Variants in KDM4B observed in about 807,000 individuals in gnomAD.
KDM4B encodes the protein lysine demethylase 4B.
A neutral mutation model predicts 125.2 loss-of-function variants in KDM4B; 32 were observed. The ratio of observed to expected loss-of-function variants is 0.26; its 90% CI spans 0.19 to 0.34. The LOEUF is 0.34. KDM4B is among the 10% of genes least tolerant of loss of function. The pLI is 1.00. For missense variants in KDM4B, 1,190 were observed against 1,577.7 expected, an observed-to-expected ratio of 0.75 and a Z score of 4.16; for synonymous variants, 721 against 677.9, an observed-to-expected ratio of 1.06 and a Z score of -0.99.
intron 6 of KDM4B, among the ~76,000 whole-genome samples, chr19:5,056,843 G>A (rs960655862): frequency 1.1e-4 from 17 of 150,690 alleles, no homozygotes; most frequent in African/African-American, 4.1e-4. Context: ...TAGAGCCCTG[G>A]GGTGGGGACC....
chr19:5,041,664 C>G (rs1324166256), intron 5 of KDM4B, among the ~76,000 whole-genome samples: 1 of 152,244 alleles, frequency 6.6e-6, no homozygotes, highest in African/African-American at 2.4e-5. Context: ...CCCGGAGACA[C>G]TGGGGTGAGG....
chr19:5,057,074 G>GCA (rs992165476), intron 6 of KDM4B, among the ~76,000 whole-genome samples: 5 of 151,636 alleles, frequency 3.3e-5, no homozygotes, highest in East Asian at 1.9e-4. Context: ...GTGCGCGCGC[G>GCA]CGCGTATGTT....
At chr19:5,002,587 C>T (rs1401081058) in intron 1 of KDM4B, among the ~76,000 whole-genome samples, 1 of 151,754 alleles carries the variant, frequency 6.6e-6, no homozygotes, top group Non-Finnish European at 1.5e-5. Flanking sequence ...CTCCTGGGCT[C>T]AAGCAGTCTT....
At chr19:5,056,249 A>G (rs371306452) in intron 6 of KDM4B, among the ~76,000 whole-genome samples, 4 of 152,182 alleles carry the variant, frequency 2.6e-5, no homozygotes, top group African/African-American at 9.7e-5. Flanking sequence ...CAAGGGTCAA[A>G]GGCGCAGCCA....
intron 21 of KDM4B, among the ~76,000 whole-genome samples, chr19:5,149,105 C>G (rs2039901761): frequency 6.6e-6 from 1 of 152,258 alleles, no homozygotes; most frequent in Non-Finnish European, 1.5e-5. Flanking sequence ...TCCATCCCCA[C>G]CCATCCCTGG....
Position 5,091,884 on chromosome 19 carries a change from G to A in KDM4B, c.918+9380G>A, listed in dbSNP as rs984279863. On this transcript the variant is annotated intron_variant, in intron 9 of 22. Transcript: ENST00000159111. The stretch of plus-strand genomic sequence containing the variant: ...CCTCAGTGAGCCTCTGATTTATGGC[G>A]TTGTGGGGCTGGACGCATCGTGTGT... 5.3e-5 allele frequency among the ~76,000 whole-genome samples: 8 copies of A among 152,182 alleles called. No individual in the cohort carries two copies. In the South Asian group the frequency reaches 8.3e-4, roughly 16 times the overall value.
intron 2 of KDM4B, among the ~76,000 whole-genome samples, chr19:5,020,500 G>A (rs1042615489): frequency 1.3e-5 from 2 of 152,166 alleles, no homozygotes; most frequent in Admixed American, 6.5e-5. Flanking sequence ...ATTCCCACCA[G>A]CCGTGCATGA....
intron 2 of KDM4B, among the ~76,000 whole-genome samples, chr19:5,023,188 G>T (rs563768072): frequency 1.6e-4 from 24 of 152,328 alleles, no homozygotes; most frequent in African/African-American, 5.5e-4. Context: ...TGCGGAGGTG[G>T]AGGAAGGGCC....
intron 1 of KDM4B, among the ~76,000 whole-genome samples, chr19:4,976,726 T>C (rs2034459334): frequency 6.6e-6 from 1 of 152,246 alleles, no homozygotes; most frequent in Non-Finnish European, 1.5e-5. Flanking sequence ...AGAGCTCAGC[T>C]TTGTAGAGTG....
At chr19:4,994,335 G>C (rs911961953) in intron 1 of KDM4B, among the ~76,000 whole-genome samples, 6 of 151,192 alleles carry the variant, frequency 4.0e-5, no homozygotes, top group African/African-American at 1.5e-4. Flanking sequence ...ACTTTGGGAG[G>C]CCGAGGCGGG....
intron 9 of KDM4B, among the ~76,000 whole-genome samples, chr19:5,097,241 G>A (rs977123405): frequency 6.6e-6 from 1 of 152,162 alleles, no homozygotes; most frequent in East Asian, 1.9e-4. Flanking sequence ...GGCCATCCAG[G>A]CTTCGTGGTT....
rs367964791 is a variant in KDM4B at position 5,047,467 on chromosome 19, G to A, written c.433-9G>A. 1.3e-4 allele frequency: 210 copies of A among 1,592,268 alleles called. 1 individual carries two copies. Among genetic ancestry groups the A allele is most frequent in the African/African-American group, 3.6e-4 (27 of 74,314 alleles). On this transcript the variant is annotated splice_polypyrimidine_tract_variant and intron_variant, in intron 5 of 22. Transcript: ENST00000159111. ...GGGCGGTTGCCGACGCTGCTCTGCC[G>A]CCCCACAGGACGTGGCCCAGTGGAA...
intron 11 of KDM4B, 124 bp from the exon 12 acceptor site, chr19:5,130,952 G>A: frequency 1.4e-6 from 1 of 703,000 alleles, no homozygotes; most frequent in South Asian, 2.2e-5. Flanking sequence ...CCATGTTCGT[G>A]TGGCCTCTCT....
chr19:5,135,191 C>T (rs151129083), intron 14 of KDM4B, 148 bp from the exon 15 acceptor site: 5 of 611,024 alleles, frequency 8.2e-6, no homozygotes, highest in East Asian at 5.5e-5. Context: ...GAAGAGGGGC[C>T]GAGGTGGCTC....
At chr19:5,005,890 C>G (rs2145457877) in intron 1 of KDM4B, among the ~76,000 whole-genome samples, 1 of 152,212 alleles carries the variant, frequency 6.6e-6, no homozygotes, top group East Asian at 1.9e-4. Flanking sequence ...AGGGGTCGCC[C>G]CTGCAGTCAC....
chr19:5,042,685 G>GGT (rs2145675804), intron 5 of KDM4B, among the ~76,000 whole-genome samples: 1 of 151,728 alleles, frequency 6.6e-6, no homozygotes, highest in South Asian at 2.1e-4. Flanking sequence ...AGAGTGAGGG[G>GGT]GGGGGCGCCG....
rs1208860972 is a variant in KDM4B, at chr19:5,142,596, G to A, written c.2551-1371G>A. 6.6e-6 allele frequency among the ~76,000 whole-genome samples: 1 copy of A among 152,042 alleles called. No homozygotes were observed. The highest frequency in any genetic ancestry group is 1.5e-5 in the Non-Finnish European group (1 of 67,964). On this transcript the variant is annotated intron_variant, in intron 18 of 22. Transcript: ENST00000159111. This position sits in a 1 kb window ranked among gnomAD's most constrained non-coding sequence, Gnocchi z 5.4. Reference sequence around the variant, plus strand: ...CGAGGGGTGGAGGCCTGTGGGTGACGTGTTCAAGACGGCTCAGCAACCCCA... The same window carrying A: ...CGAGGGGTGGAGGCCTGTGGGTGACATGTTCAAGACGGCTCAGCAACCCCA...
At chr19:4,975,643 G>A (rs1346480272) in intron 1 of KDM4B, among the ~76,000 whole-genome samples, 3 of 151,086 alleles carry the variant, frequency 2.0e-5, no homozygotes, top group African/African-American at 2.4e-5. Flanking sequence ...CCCAGGCTGG[G>A]GCGCAGTGGG....
At chr19:5,135,647 C>T (rs909303372) in intron 15 of KDM4B, 86 bp downstream of exon 15, 68 of 1,157,418 alleles carry the variant, frequency 5.9e-5, no homozygotes, top group Non-Finnish European at 7.8e-5. Flanking sequence ...TCCTCCCCTG[C>T]GGAGGGCCAC....
Sources: gnomAD v4.1 joint callset for allele counts (sites outside exome capture counted in the v4.1 genomes callset) on GRCh38, gnomAD v4.1.1 for gene constraint, Gnocchi (gnomAD v3.1) non-coding constraint, MANE v1.5 for transcripts, NCBI Gene and HGNC (gene_info 2026-07-23, HGNC 2026-07-21) for gene names.